AGMO: variants seen among roughly 807,000 people sequenced by gnomAD.
AGMO encodes the protein alkylglycerol monooxygenase.
AGMO carries 75 observed loss-of-function variants against 60.2 expected under a neutral mutation model. The ratio of observed to expected loss-of-function variants is 1.25; its 90% CI spans 1.03 to 1.51. AGMO has a LOEUF of 1.51. AGMO is among the 40% of genes most tolerant of loss of function. The pLI is 0.00. For missense variants in AGMO, 763 were observed against 525.5 expected (o/e 1.45, Z -4.42); for synonymous variants, 261 against 177.1 (o/e 1.47, Z -3.76).
chr7:15,501,321 C>T (rs923291699), intron 3 of AGMO, among the ~76,000 whole-genome samples: 5 of 151,914 alleles, frequency 3.3e-5, no homozygotes, highest in African/African-American at 9.7e-5. Context: ...TGAAATACGA[C>T]ATTTGGGGTT....
At chr7:15,122,451 T>G in the AGMO span, among the ~76,000 whole-genome samples, 1 of 152,126 alleles carries the variant, frequency 6.6e-6, no homozygotes, top group African/African-American at 2.4e-5. Context: ...CAGCTCAGAC[T>G]TCTCTCCCAA....
chr7:15,291,583 A>G (rs765990548), intron 12 of AGMO, among the ~76,000 whole-genome samples: 5 of 152,134 alleles, frequency 3.3e-5, no homozygotes, highest in South Asian at 2.1e-4. Context: ...TCAATTTTCA[A>G]TGTATTCATC....
intron 12 of AGMO, among the ~76,000 whole-genome samples, chr7:15,218,318 GGTGTGTGTATGTGTGTGT>G (rs1405312194): frequency 1.8e-5 from 2 of 108,152 alleles, no homozygotes; most frequent in Non-Finnish European, 3.8e-5. Context: ...TATTGACTAT[GGTGTGTGTATGTGTGTGT>G]GTGTGTGTGT....
chr7:15,129,173 C>T, the AGMO span, among the ~76,000 whole-genome samples: 10 of 152,038 alleles, frequency 6.6e-5, no homozygotes, highest in African/African-American at 2.4e-4. Context: ...AGTATGATTG[C>T]TACATAAGTG....
chr7:15,553,889 C>T (rs1193319142), intron 2 of AGMO, among the ~76,000 whole-genome samples: 1 of 152,008 alleles, frequency 6.6e-6, no homozygotes. Flanking sequence ...GTCAAGCCTT[C>T]CCCCCACCAC....
chr7:15,145,950 G>A, the AGMO span, among the ~76,000 whole-genome samples: 24 of 152,262 alleles, frequency 1.6e-4, no homozygotes, highest in Admixed American at 1.6e-3. Context: ...CAATGAAGCG[G>A]AAGGTATTTG....
At chr7:15,540,467 G>A (rs1784596502) in intron 3 of AGMO, among the ~76,000 whole-genome samples, 1 of 152,278 alleles carries the variant, frequency 6.6e-6, no homozygotes, top group South Asian at 2.1e-4. Context: ...GGAAAATGGA[G>A]GCAAGGTCTC....
the AGMO span, among the ~76,000 whole-genome samples, chr7:15,176,702 T>A: frequency 6.6e-6 from 1 of 151,972 alleles, no homozygotes; most frequent in Non-Finnish European, 1.5e-5. Flanking sequence ...AGCAAATTTG[T>A]GTTAGCAAAT....
chr7:15,268,909 T>A (rs61382208), intron 12 of AGMO, among the ~76,000 whole-genome samples: 3,376 of 152,138 alleles, frequency 0.022, 123 homozygotes, highest in African/African-American at 0.078. Context: ...CTTGTAGTAG[T>A]CATGACTGTT....
chr7:15,437,479 T>C (rs1293536085), intron 3 of AGMO, among the ~76,000 whole-genome samples: 1 of 151,994 alleles, frequency 6.6e-6, no homozygotes, highest in East Asian at 1.9e-4. Flanking sequence ...TATATATCCA[T>C]ATGTTCAGCA....
At chr7:15,220,111 T>G (rs1466488161) in intron 12 of AGMO, among the ~76,000 whole-genome samples, 1 of 151,964 alleles carries the variant, frequency 6.6e-6, no homozygotes, top group Non-Finnish European at 1.5e-5. Flanking sequence ...CTCTGCTTCC[T>G]CTAAGTCCTT....
intron 3 of AGMO, among the ~76,000 whole-genome samples, chr7:15,530,879 G>C (rs1244302319): frequency 7.3e-6 from 1 of 137,830 alleles, no homozygotes; most frequent in Non-Finnish European, 1.5e-5. Context: ...ATAGATGACT[G>C]TATTCCAGAT....
chr7:15,214,934 T>C (rs1334164026), intron 12 of AGMO, among the ~76,000 whole-genome samples: 1 of 152,102 alleles, frequency 6.6e-6, no homozygotes, highest in Non-Finnish European at 1.5e-5. Flanking sequence ...TTTGTATCTC[T>C]TGCTATTTCT....
intron 12 of AGMO, among the ~76,000 whole-genome samples, chr7:15,239,346 T>G (rs2128502326): frequency 6.6e-6 from 1 of 152,234 alleles, no homozygotes; most frequent in African/African-American, 2.4e-5. Context: ...TGCTAATGAG[T>G]TCCATTGCAG....
intron 10 of AGMO, among the ~76,000 whole-genome samples, chr7:15,383,392 T>C (rs1237712002): frequency 1.3e-5 from 2 of 152,110 alleles, no homozygotes; most frequent in East Asian, 3.9e-4. Flanking sequence ...AAATCCACTC[T>C]GCGTTGAATT....
chr7:15,551,871 A>C (rs999490622), intron 2 of AGMO, among the ~76,000 whole-genome samples: 5 of 152,112 alleles, frequency 3.3e-5, no homozygotes, highest in African/African-American at 9.7e-5. Context: ...AGGCAATCCT[A>C]AGCCAAAAGA....
At chr7:15,509,998 G>C (rs1019377673) in intron 3 of AGMO, among the ~76,000 whole-genome samples, 2 of 152,134 alleles carry the variant, frequency 1.3e-5, no homozygotes, top group African/African-American at 4.8e-5. Context: ...TTATAGAAAA[G>C]TATGGAATTT....
chr7:15,459,882 A>T (rs1782099404), intron 3 of AGMO, among the ~76,000 whole-genome samples: 1 of 152,030 alleles, frequency 6.6e-6, no homozygotes, highest in African/African-American at 2.4e-5. Flanking sequence ...ATCAGATACC[A>T]TGTTTTATAA....
chr7:15,215,705 T>A (rs991484989), intron 12 of AGMO, among the ~76,000 whole-genome samples: 11 of 152,022 alleles, frequency 7.2e-5, no homozygotes, highest in African/African-American at 2.7e-4. Context: ...CTACCAAGAT[T>A]TGAAACAGTG....
Sources: allele counts gnomAD v4.1 joint callset (sites outside exome capture counted in the v4.1 genomes callset), GRCh38; gene constraint gnomAD v4.1.1; transcripts MANE v1.5; gene names NCBI Gene and HGNC (gene_info 2026-07-23, HGNC 2026-07-21).